Variants in DNM3 observed in about 807,000 individuals in gnomAD.
DNM3 encodes the protein dynamin-3.
A neutral mutation model predicts 101.6 loss-of-function variants in DNM3; 47 were observed. The ratio of observed to expected loss-of-function variants is 0.46; its 90% CI spans 0.37 to 0.59. The LOEUF is 0.59. Among genes scored for constraint, DNM3 ranks in the 20% least tolerant of loss-of-function variants. The probability of loss-of-function intolerance (pLI) is 0.00; values close to 1 mark genes in which losing one functional copy is unlikely to be tolerated. For missense variants in DNM3, 849 were observed against 1,085.7 expected (o/e 0.78, Z 3.06); for synonymous variants, 385 against 387.9 (o/e 0.99, Z 0.09).
chr1:171,949,638 ACTCCTGGGCTCAAGCCGTT>A, intron 2 of DNM3, among the ~76,000 whole-genome samples: 1 of 150,726 alleles, frequency 6.6e-6, no homozygotes, highest in East Asian at 1.9e-4. Context: ...TTGGTCTTGA[ACTCCTGGGCTCAAGCCGTT>A]CTCCTGTCTT....
At chr1:171,980,422 C>T (rs12135615) in intron 2 of DNM3, among the ~76,000 whole-genome samples, 39,883 of 151,966 alleles carry the variant, frequency 0.26, 6,264 homozygotes, top group African/African-American at 0.43. Context: ...GCATATCCAT[C>T]ACTTCAGACA....
intron 10 of DNM3, among the ~76,000 whole-genome samples, chr1:172,055,832 G>A (rs1477554297): frequency 6.6e-6 from 1 of 152,116 alleles, no homozygotes; most frequent in Non-Finnish European, 1.5e-5. Flanking sequence ...TGCATTTCGG[G>A]GAGGAGCCAA....
intron 1 of DNM3, among the ~76,000 whole-genome samples, chr1:171,845,978 G>A (rs551677414): frequency 1.6e-4 from 24 of 152,184 alleles, no homozygotes; most frequent in South Asian, 6.2e-4. Context: ...TAATGGGGAC[G>A]AAATAAAATA....
intron 1 of DNM3, among the ~76,000 whole-genome samples, chr1:171,871,519 A>G (rs559910396): frequency 1.3e-5 from 2 of 152,340 alleles, no homozygotes; most frequent in Non-Finnish European, 2.9e-5. Flanking sequence ...TGTTCAGTGC[A>G]TAGGATTCTC....
chr1:171,989,165 T>C lies in DNM3; in HGVS notation c.589+17T>C, dbSNP rs770559143. ...ATCCTCAAGGTGAGTGTGTGACTAC[T>C]AAGATGAGAAGGAATTAAAGTGTCA... On this transcript the variant is annotated intron_variant, in intron 4 of 20. Transcript: ENST00000627582. The C allele has an allele frequency of 3.1e-6, 5 of 1,608,086 alleles. No homozygotes were observed. Among genetic ancestry groups the C allele is most frequent in the Non-Finnish European group, 2.6e-6 (3 of 1,176,124 alleles).
intron 1 of DNM3, among the ~76,000 whole-genome samples, chr1:171,858,238 A>G (rs1048244411): frequency 6.6e-6 from 1 of 152,150 alleles, no homozygotes; most frequent in Admixed American, 6.5e-5. Flanking sequence ...TTATTTTTAC[A>G]TTTATGAGAA....
At chr1:172,186,517 G>C (rs2148416539) in intron 14 of DNM3, among the ~76,000 whole-genome samples, 1 of 152,126 alleles carries the variant, frequency 6.6e-6, no homozygotes, top group African/African-American at 2.4e-5. Context: ...GGACAATGCT[G>C]TCCCCCCCTT....
rs149866193 is a variant in DNM3, at chr1:172,098,509, C to T, written c.1545+5634C>T. ...CTCTACAAACAATTTGTGCAGTTAACGCAATCATCACAGGGTCCTGAGGTG... is the reference window on the plus strand; with the variant it reads ...CTCTACAAACAATTTGTGCAGTTAATGCAATCATCACAGGGTCCTGAGGTG... On this transcript the variant is annotated intron_variant, in intron 13 of 20. Coordinates refer to ENST00000627582, the MANE Select transcript of DNM3 (RefSeq NM_015569.5). Among the ~76,000 whole-genome samples, 377 of 151,938 alleles carry T rather than the reference C, an allele frequency of 2.5e-3. 3 individuals carry two copies. In the East Asian group the frequency reaches 0.045, roughly 18 times the overall value.
At chr1:172,325,083 C>T (rs1029294436) in intron 17 of DNM3, among the ~76,000 whole-genome samples, 1 of 152,152 alleles carries the variant, frequency 6.6e-6, no homozygotes, top group Non-Finnish European at 1.5e-5. Flanking sequence ...AGAAGCCATC[C>T]ATTTGTTGTG....
intron 2 of DNM3, among the ~76,000 whole-genome samples, chr1:171,978,253 C>A (rs182015097): frequency 1.0e-3 from 159 of 152,220 alleles, no homozygotes; most frequent in African/African-American, 3.4e-3. Context: ...AAGAAAAAAA[C>A]TGGGCAATGT....
At chr1:172,022,402 A>T (rs1471596323) in intron 4 of DNM3, among the ~76,000 whole-genome samples, 2 of 152,236 alleles carry the variant, frequency 1.3e-5, no homozygotes, top group Admixed American at 1.3e-4. Flanking sequence ...GAGTTCATTG[A>T]TTATTTTAAG....
At chr1:172,232,577 G>A in intron 14 of DNM3, among the ~76,000 whole-genome samples, 1 of 152,150 alleles carries the variant, frequency 6.6e-6, no homozygotes, top group East Asian at 1.9e-4. Flanking sequence ...CAAATCAACA[G>A]AATATACATT....
chr1:172,313,147 G>A (rs1247610476), intron 16 of DNM3, among the ~76,000 whole-genome samples: 2 of 152,108 alleles, frequency 1.3e-5, no homozygotes, highest in South Asian at 2.1e-4. Context: ...TATTTTCTAT[G>A]GTCACTAAAT....
chr1:172,117,498 C>T (rs2055999967), intron 13 of DNM3, among the ~76,000 whole-genome samples: 1 of 152,108 alleles, frequency 6.6e-6, no homozygotes, highest in Admixed American at 6.6e-5. Context: ...TCAGGGGTTT[C>T]TGCTTTTGCT....
Position 172,301,397 on chromosome 1 carries a change from G to C in DNM3, c.1770-7331G>C, listed in dbSNP as rs574040157. Among the ~76,000 whole-genome samples, 744 of 152,282 alleles carry C rather than the reference G, an allele frequency of 4.9e-3. 6 individuals are homozygous for C. The highest frequency in any genetic ancestry group is 0.016 in the African/African-American group (678 of 41,560). On this transcript the variant is annotated intron_variant, in intron 15 of 20. Transcript: ENST00000627582. ...CATGCCTGTAGTCCCAGCAACATGG[G>C]AGGCTGAGGTGGAAGGATCACTTGA... is the stretch of plus-strand genomic sequence containing the variant.
At chr1:171,992,921 T>C (rs1218437910) in intron 4 of DNM3, among the ~76,000 whole-genome samples, 1 of 152,092 alleles carries the variant, frequency 6.6e-6, no homozygotes, top group African/African-American at 2.4e-5. Context: ...ATTAACATCT[T>C]AATTTATAGC....
intron 15 of DNM3, among the ~76,000 whole-genome samples, chr1:172,300,221 T>C (rs1284348137): frequency 6.6e-6 from 1 of 151,790 alleles, no homozygotes; most frequent in Non-Finnish European, 1.5e-5. Context: ...TTTGCCTACT[T>C]TTTAATGGGG....
In DNM3 at chr1:172,044,290, T is replaced by A. The variant is rs79804072; in HGVS notation, c.1129-95T>A. ...AGGAAAGACATGAGTATCCACTTATTAATAATGAAGTCAAGTTATTCTCAT... is the reference window on the plus strand; with the variant it reads ...AGGAAAGACATGAGTATCCACTTATAAATAATGAAGTCAAGTTATTCTCAT... On this transcript the variant is annotated intron_variant, in intron 8 of 20. Transcript: ENST00000627582. The A allele has an allele frequency of 3.6e-3, 3,789 of 1,051,546 alleles. 81 individuals are homozygous for A. The African/African-American group carries it at 0.049, about 13-fold the overall frequency. The allele number at this position is 1,051,546 out of a possible 1,614,324, so 65.1% of individuals were successfully genotyped here.
At chr1:172,135,692 T>G in intron 14 of DNM3, among the ~76,000 whole-genome samples, 1 of 152,086 alleles carries the variant, frequency 6.6e-6, no homozygotes, top group East Asian at 1.9e-4. Flanking sequence ...AACTGTCATT[T>G]CAAAAGTTTT....
Sources: allele counts gnomAD v4.1 joint callset (sites outside exome capture counted in the v4.1 genomes callset), GRCh38; gene constraint gnomAD v4.1.1; transcripts MANE v1.5; gene names NCBI Gene and HGNC (gene_info 2026-07-23, HGNC 2026-07-21).